Variants in ALDH1L1 observed in about 807,000 individuals in gnomAD.
The protein encoded by ALDH1L1 is aldehyde dehydrogenase 1 family member L1.
Under a neutral mutation model 101.1 loss-of-function variants are expected in ALDH1L1, and 68 were observed. The ratio of observed to expected loss-of-function variants is 0.67; its 90% CI spans 0.55 to 0.82. The LOEUF (loss-of-function observed/expected upper bound fraction) is 0.82. Among genes scored for constraint, ALDH1L1 ranks in the 40% least tolerant of loss-of-function variants. The probability of loss-of-function intolerance (pLI) is 0.00; values close to 1 mark genes in which losing one functional copy is unlikely to be tolerated. For synonymous variants in ALDH1L1, 486 were observed against 470.8 expected, an observed-to-expected ratio of 1.03 and a Z score of -0.42; for missense variants, 1,087 against 1,172.7, an observed-to-expected ratio of 0.93 and a Z score of 1.07.
chr3:126,106,454 G>T (rs1197490212), intron 21 of ALDH1L1, among the ~76,000 whole-genome samples: 1 of 152,216 alleles, frequency 6.6e-6, no homozygotes, highest in African/African-American at 2.4e-5. Context: ...GGCCTGAGAA[G>T]TGACAGCATG....
intron 9 of ALDH1L1, among the ~76,000 whole-genome samples, chr3:126,138,896 G>A (rs1042110097): frequency 1.3e-5 from 2 of 152,186 alleles, no homozygotes; most frequent in African/African-American, 4.8e-5. Flanking sequence ...GGAACTTTGG[G>A]GTCTAGTCAA....
At chr3:126,127,913 A>G (rs953394891) in intron 14 of ALDH1L1, among the ~76,000 whole-genome samples, 1 of 152,212 alleles carries the variant, frequency 6.6e-6, no homozygotes, top group Non-Finnish European at 1.5e-5. Flanking sequence ...ATGAGATTAT[A>G]GATTAGAGAG....
In ALDH1L1 at chr3:126,158,008, C is replaced by T. The variant is rs557958675; in HGVS notation, c.362+397G>A. 2.0e-4 allele frequency among the ~76,000 whole-genome samples: 31 copies of T among 152,274 alleles called. 1 individual carries two copies. The highest frequency in any genetic ancestry group is 1.7e-3 in the South Asian group (8 of 4,816). ...ATCTCTTTCTACGAAGTGTGCTGCC[C>T]AGAGCAGCGGCAGTGGAAGTTAGAG... On this transcript the variant is annotated intron_variant, in intron 3 of 22. Transcript: ENST00000393434.
At chr3:126,105,237 A>G (rs1945824439) in intron 22 of ALDH1L1, 1 of 238,454 alleles carries the variant, frequency 4.2e-6, no homozygotes, top group African/African-American at 2.2e-5. Flanking sequence ...GCCCCTGACC[A>G]TGGCCCATGG....
At chr3:126,154,684 C>T in intron 5 of ALDH1L1, 41 bp from the exon 6 acceptor site, 1 of 1,576,674 alleles carries the variant, frequency 6.3e-7, no homozygotes, top group Middle Eastern at 1.7e-4. Flanking sequence ...GGTCTCTCCT[C>T]ACTCCCCTCC....
At chr3:126,118,138 T>G in intron 16 of ALDH1L1, 40 bp from the exon 17 acceptor site, 1 of 1,549,192 alleles carries the variant, frequency 6.5e-7, no homozygotes, top group Non-Finnish European at 8.9e-7. Context: ...GTGGTCCCCC[T>G]GGTGCTGGGG....
At chr3:126,167,900 T>C (rs1281222743) in intron 1 of ALDH1L1, among the ~76,000 whole-genome samples, 1 of 152,178 alleles carries the variant, frequency 6.6e-6, no homozygotes, top group Non-Finnish European at 1.5e-5. Flanking sequence ...AATGAGTCAG[T>C]GTTTTTAGTT....
intron 1 of ALDH1L1, among the ~76,000 whole-genome samples, chr3:126,164,643 C>T (rs1293592574): frequency 1.3e-5 from 2 of 152,200 alleles, no homozygotes; most frequent in Non-Finnish European, 2.9e-5. Flanking sequence ...AAGTTGATTC[C>T]CTGTCACTGC....
chr3:126,120,763 A>C (rs1011073934), intron 16 of ALDH1L1, among the ~76,000 whole-genome samples: 1 of 152,210 alleles, frequency 6.6e-6, no homozygotes, highest in Non-Finnish European at 1.5e-5. Flanking sequence ...CTGCTCTAAA[A>C]TCAAGTCTAT....
upstream of ALDH1L1, among the ~76,000 whole-genome samples, chr3:126,183,325 G>T (rs143069001): frequency 6.7e-4 from 102 of 152,248 alleles, no homozygotes; most frequent in Middle Eastern, 3.4e-3. Context: ...ATTTTTAAAA[G>T]AATTATATGA....
chr3:126,194,833 AC>A (rs1376627178), intron 1 of ALDH1L1, among the ~76,000 whole-genome samples: 1 of 152,060 alleles, frequency 6.6e-6, no homozygotes, highest in Non-Finnish European at 1.5e-5. Flanking sequence ...TGCATGTAAA[AC>A]TATTTTTTAG....
chr3:126,141,943 C>T (rs184770036), intron 9 of ALDH1L1, among the ~76,000 whole-genome samples: 3 of 151,636 alleles, frequency 2.0e-5, no homozygotes, highest in Non-Finnish European at 4.4e-5. Context: ...ACAAAATTAA[C>T]AAACCTTTAT....
intron 1 of ALDH1L1, among the ~76,000 whole-genome samples, chr3:126,168,947 T>A (rs942837114): frequency 1.3e-5 from 2 of 152,186 alleles, no homozygotes; most frequent in Non-Finnish European, 2.9e-5. Flanking sequence ...AGACATTTTG[T>A]TATTTACAGA....
intron 4 of ALDH1L1, 102 bp from the exon 5 acceptor site, chr3:126,155,605 A>G: frequency 1.0e-6 from 1 of 979,210 alleles, no homozygotes; most frequent in Non-Finnish European, 1.5e-6. Flanking sequence ...GACTGACCAG[A>G]CTTGCCTGGT....
intron 19 of ALDH1L1, 58 bp from the exon 20 acceptor site, chr3:126,110,167 T>A (rs960777195): frequency 4.2e-5 from 67 of 1,597,464 alleles, no homozygotes; most frequent in Non-Finnish European, 5.6e-5. Flanking sequence ...CTGACAATGA[T>A]CCTCACCTGA....
intron 1 of ALDH1L1, among the ~76,000 whole-genome samples, chr3:126,193,180 C>G (rs1256457643): frequency 6.6e-6 from 1 of 152,174 alleles, no homozygotes; most frequent in Non-Finnish European, 1.5e-5. Context: ...CCTTCTCAGG[C>G]CATATTTAGT....
intron 1 of ALDH1L1, 78 bp from the exon 2 acceptor site, chr3:126,161,080 T>A: frequency 6.6e-7 from 1 of 1,516,058 alleles, no homozygotes; most frequent in Admixed American, 1.9e-5. Flanking sequence ...GACAGGGCAG[T>A]TCATGGCACC....
At chr3:126,123,423 A>G (rs576979255) in intron 16 of ALDH1L1, among the ~76,000 whole-genome samples, 2 of 152,078 alleles carry the variant, frequency 1.3e-5, no homozygotes, top group South Asian at 4.2e-4. Flanking sequence ...ATGCCCAGCT[A>G]ATTTTTGTAT....
intron 9 of ALDH1L1, among the ~76,000 whole-genome samples, chr3:126,139,816 C>A (rs957473806): frequency 6.6e-6 from 1 of 152,016 alleles, no homozygotes; most frequent in Admixed American, 6.6e-5. Flanking sequence ...TAGTTTTGAG[C>A]AGGCTGAAGG....
Sources: allele counts gnomAD v4.1 joint callset (sites outside exome capture counted in the v4.1 genomes callset), GRCh38; gene constraint gnomAD v4.1.1; transcripts MANE v1.5; gene names NCBI Gene and HGNC (gene_info 2026-07-23, HGNC 2026-07-21).